Variants in ALDH1L2 observed in about 807,000 individuals in gnomAD.
ALDH1L2 encodes the protein aldehyde dehydrogenase 1 family member L2.
ALDH1L2 carries 91 observed loss-of-function variants against 111.0 expected under a neutral mutation model. That is an observed-to-expected ratio of 0.82 (90% CI 0.69 to 0.98). The LOEUF is 0.98. Among genes scored for constraint, ALDH1L2 ranks in the 50% least tolerant of loss-of-function variants. The pLI is 0.00. For missense variants in ALDH1L2, 995 were observed against 1,126.8 expected, an observed-to-expected ratio of 0.88 and a Z score of 1.67; for synonymous variants, 374 against 392.6, an observed-to-expected ratio of 0.95 and a Z score of 0.56.
At chr12:105,024,571 G>T in intron 22 of ALDH1L2, 92 bp from the exon 23 acceptor site, 1 of 1,256,118 alleles carries the variant, frequency 8.0e-7, no homozygotes, top group Non-Finnish European at 1.2e-6. Context: ...TAGGTGTCCA[G>T]GTCACTAAGT....
chr12:105,060,174 G>T (rs1413906317), intron 9 of ALDH1L2, among the ~76,000 whole-genome samples: 1 of 151,768 alleles, frequency 6.6e-6, no homozygotes, highest in Non-Finnish European at 1.5e-5. Context: ...TATGGGGGGG[G>T]CGAGGGTAGG....
chr12:105,081,586 T>C (rs1878338614), intron 1 of ALDH1L2, among the ~76,000 whole-genome samples: 1 of 152,166 alleles, frequency 6.6e-6, no homozygotes, highest in Non-Finnish European at 1.5e-5. Context: ...AAATAACTCC[T>C]ACCACAGGGA....
chr12:105,055,211 A>G (rs1277143560), intron 10 of ALDH1L2, among the ~76,000 whole-genome samples: 1 of 152,168 alleles, frequency 6.6e-6, no homozygotes, highest in African/African-American at 2.4e-5. Context: ...TGGAGCACTG[A>G]AGGTATATCC....
intron 5 of ALDH1L2, 109 bp from the exon 6 acceptor site, chr12:105,065,465 G>T (rs1877293614): frequency 3.5e-6 from 3 of 863,260 alleles, no homozygotes; most frequent in Admixed American, 5.0e-5. Flanking sequence ...GGGAAATAAA[G>T]GAATTTTTGC....
chr12:105,040,718 A>G (rs1157320584), intron 15 of ALDH1L2, 24 bp from the exon 16 acceptor site: 1 of 1,609,104 alleles, frequency 6.2e-7, no homozygotes, highest in Non-Finnish European at 8.5e-7. Flanking sequence ...AACAGCAATT[A>G]CCTTCTTCAG....
intron 19 of ALDH1L2, among the ~76,000 whole-genome samples, chr12:105,032,749 G>T (rs1874776328): frequency 6.6e-6 from 1 of 152,110 alleles, no homozygotes; most frequent in African/African-American, 2.4e-5. Flanking sequence ...AATCCATTAA[G>T]AATAGCAAAC....
intron 2 of ALDH1L2, among the ~76,000 whole-genome samples, chr12:105,072,947 C>A (rs1221491534): frequency 6.6e-6 from 1 of 152,212 alleles, no homozygotes; most frequent in Non-Finnish European, 1.5e-5. Context: ...GCACTCCAGC[C>A]TGGGCAACAG....
chr12:105,038,523 T>C (rs1195874606), intron 17 of ALDH1L2, among the ~76,000 whole-genome samples: 1 of 151,454 alleles, frequency 6.6e-6, no homozygotes, highest in Non-Finnish European at 1.5e-5. Context: ...GAAAATTAGG[T>C]AGGTATGGTG....
chr12:105,082,052 G>C (rs931576408), intron 1 of ALDH1L2, among the ~76,000 whole-genome samples: 2 of 151,954 alleles, frequency 1.3e-5, no homozygotes, highest in African/African-American at 4.8e-5. Context: ...AAATTAGCTG[G>C]GCATGGTGGT....
chr12:105,084,363 G>T, intron 1 of ALDH1L2, 26 bp downstream of exon 1: 1 of 1,376,154 alleles, frequency 7.3e-7, no homozygotes. Context: ...GGTGACAGCC[G>T]GGACGCTCGC....
Position 105,022,621 on chromosome 12 carries a change from T to C in ALDH1L2, c.*1803A>G, listed in dbSNP as rs532346836. The stretch of plus-strand genomic sequence containing the variant: ...TTGTCACTTTTATTCAAATATGAAC[T>C]GTCATTTTGGGCCCAGTGAATATTC... On this transcript the variant is annotated 3_prime_UTR_variant, in exon 23 of 23. Coordinates refer to ENST00000258494, the MANE Select transcript of ALDH1L2 (RefSeq NM_001034173.4). 2 of 152,332 alleles carry C rather than the reference T, an allele frequency of 1.3e-5. No homozygotes were observed. The highest frequency in any genetic ancestry group is 1.9e-4 in the East Asian group (1 of 5,186). The allele number at this position is 152,332 out of a possible 1,614,324, so 9.4% of individuals were successfully genotyped here.
chr12:105,051,157 A>G (rs1223439301), intron 12 of ALDH1L2, among the ~76,000 whole-genome samples: 2 of 152,170 alleles, frequency 1.3e-5, no homozygotes, highest in East Asian at 3.8e-4. Context: ...ACAACAGGGT[A>G]CTGGATATTC....
chr12:105,067,224 AAAAAAAAAAAAGAAAAG>A (rs1341177368), intron 4 of ALDH1L2, among the ~76,000 whole-genome samples: 9 of 151,302 alleles, frequency 5.9e-5, no homozygotes, highest in African/African-American at 2.2e-4. Flanking sequence ...TCAAAAAAAA[AAAAAAAAAAAAGAAAAG>A]AAAAAGAAAA....
At chr12:105,025,947 A>G (rs1291876213) in intron 22 of ALDH1L2, among the ~76,000 whole-genome samples, 1 of 152,192 alleles carries the variant, frequency 6.6e-6, no homozygotes, top group Non-Finnish European at 1.5e-5. Context: ...TATACAGGCT[A>G]AGTAGAATGG....
Position 105,073,345 on chromosome 12 carries a change from G to A in ALDH1L2, c.193+516C>T, listed in dbSNP as rs79902892. Among the ~76,000 whole-genome samples the A allele has an allele frequency of 2.9e-3, 441 of 152,322 alleles. 2 individuals are homozygous for A. The highest frequency in any genetic ancestry group is 4.0e-3 in the Non-Finnish European group (270 of 68,034). On this transcript the variant is annotated intron_variant, in intron 2 of 22. Transcript: ENST00000258494. ...ACTTCCTCATATAGTTACTCTATAA[G>A]TGAGGTTGGTAGTTTTTCTTTTTCT...
In ALDH1L2 at chr12:105,024,420, T is replaced by A; in HGVS notation, c.*4A>T. The A allele has an allele frequency of 6.2e-7, 1 of 1,613,954 alleles. No individual in the cohort carries two copies. Among genetic ancestry groups the A allele is most frequent in the Non-Finnish European group, 8.5e-7 (1 of 1,179,884 alleles). On this transcript the variant is annotated 3_prime_UTR_variant, in exon 23 of 23. Transcript: ENST00000258494. ...GTCAAGGCTTTCCTGATGATGGTGT[T>A]GCTCTAATATTCCAGTGTCACCGTC...
chr12:105,037,760 A>G (rs1202370035), intron 18 of ALDH1L2, among the ~76,000 whole-genome samples: 2 of 141,266 alleles, frequency 1.4e-5, no homozygotes, highest in Non-Finnish European at 3.1e-5. Flanking sequence ...GCAAGCACCT[A>G]TTTTTTTTTC....
At chr12:105,054,126 G>A (rs763694480) in intron 10 of ALDH1L2, among the ~76,000 whole-genome samples, 35 of 152,222 alleles carry the variant, frequency 2.3e-4, no homozygotes, top group African/African-American at 4.6e-4. Context: ...CTGTGGCTTA[G>A]GGAAGTTAAG....
rs545070139 is a variant in ALDH1L2, at chr12:105,069,816, A to G, written c.428+754T>C. On this transcript the variant is annotated intron_variant, in intron 3 of 22. Coordinates refer to ENST00000258494, the MANE Select transcript of ALDH1L2 (RefSeq NM_001034173.4). ...ACCCACAGTATTGTGTCCCTATGGT[A>G]TTAGGTACCTACAATGTACCAGCCA... is the stretch of plus-strand genomic sequence containing the variant. Among the ~76,000 whole-genome samples, 3 of 152,322 alleles carry G rather than the reference A, an allele frequency of 2.0e-5. No individual in the cohort carries two copies. The East Asian group carries it at 5.8e-4, about 29-fold the overall frequency.
Sources: allele counts gnomAD v4.1 joint callset (sites outside exome capture counted in the v4.1 genomes callset), GRCh38; gene constraint gnomAD v4.1.1; transcripts MANE v1.5; gene names NCBI Gene and HGNC (gene_info 2026-07-23, HGNC 2026-07-21).